The following RSF1 variants were observed in gnomAD, a reference collection of about 807,000 sequenced individuals.
The protein encoded by RSF1 is remodeling and spacing factor 1, also known as HBV pX-associated protein 8.
Under a neutral mutation model 145.2 loss-of-function variants are expected in RSF1, and 13 were observed. That is an observed-to-expected ratio of 0.09 (90% CI 0.06 to 0.14). The LOEUF is 0.14. Ranked by LOEUF, RSF1 falls within the 10% of genes least tolerant of loss-of-function variation. The pLI is 1.00. For missense variants in RSF1, 1,517 were observed against 1,718.2 expected (o/e 0.88, Z 2.07); for synonymous variants, 577 against 592.6 (o/e 0.97, Z 0.38).
chr11:77,843,116 C>T, the RSF1 span, among the ~76,000 whole-genome samples: 6 of 152,306 alleles, frequency 3.9e-5, no homozygotes, highest in South Asian at 1.2e-3. Context: ...GGCACCTGCA[C>T]CATTTTACAT....
At chr11:77,821,395 C>A (rs777681445), upstream of RSF1, among the ~76,000 whole-genome samples, 3 of 151,466 alleles carry the variant, frequency 2.0e-5, no homozygotes, top group Non-Finnish European at 4.4e-5. Context: ...TAATTAGGGG[C>A]TGGGCTGGGA....
At chr11:77,791,606 G>A (rs563119650) in intron 1 of RSF1, among the ~76,000 whole-genome samples, 21 of 152,126 alleles carry the variant, frequency 1.4e-4, no homozygotes, top group Non-Finnish European at 2.4e-4. Flanking sequence ...GTTACATCTC[G>A]AATGTTTTGC....
intron 1 of RSF1, among the ~76,000 whole-genome samples, chr11:77,766,429 C>T (rs750450494): frequency 2.0e-5 from 3 of 152,116 alleles, no homozygotes; most frequent in Non-Finnish European, 4.4e-5. Flanking sequence ...GGGTCAAATA[C>T]TAGTAAGAAA....
At chr11:77,716,795 T>C (rs1960820795) in intron 5 of RSF1, among the ~76,000 whole-genome samples, 1 of 152,240 alleles carries the variant, frequency 6.6e-6, no homozygotes, top group Non-Finnish European at 1.5e-5. Context: ...AGTCAATGCA[T>C]ATGGTAATTA....
chr11:77,821,048 C>T, upstream of RSF1: 2 of 324,238 alleles, frequency 6.2e-6, no homozygotes, highest in Non-Finnish European at 1.1e-5. Flanking sequence ...GGGCTGGAAG[C>T]GGGAGGGGCG....
intron 9 of RSF1, among the ~76,000 whole-genome samples, chr11:77,690,585 C>G (rs1960127428): frequency 6.6e-6 from 1 of 152,188 alleles, no homozygotes; most frequent in African/African-American, 2.4e-5. Flanking sequence ...GTGTGCGACA[C>G]CATGCCCAGC....
chr11:77,757,724 T>C (rs893654112), intron 2 of RSF1, among the ~76,000 whole-genome samples: 6 of 152,044 alleles, frequency 3.9e-5, no homozygotes, highest in African/African-American at 1.4e-4. Flanking sequence ...CTGCTGGCAC[T>C]GCAGGACAGA....
the RSF1 span, among the ~76,000 whole-genome samples, chr11:77,857,212 G>C: frequency 6.6e-6 from 1 of 152,140 alleles, no homozygotes; most frequent in African/African-American, 2.4e-5. Flanking sequence ...AACCAAGAGA[G>C]GTATAATGGT....
intron 5 of RSF1, among the ~76,000 whole-genome samples, chr11:77,721,931 G>A (rs1188008612): frequency 3.9e-5 from 6 of 152,130 alleles, no homozygotes; most frequent in Admixed American, 2.6e-4. Context: ...CCAGAACTTC[G>A]GAGGGCTGAG....
intron 11 of RSF1, among the ~76,000 whole-genome samples, chr11:77,678,667 C>T (rs1348163380): frequency 6.6e-6 from 1 of 152,022 alleles, no homozygotes; most frequent in Admixed American, 6.6e-5. Context: ...AGATTAGTGC[C>T]CATATAAAAG....
intron 6 of RSF1, among the ~76,000 whole-genome samples, chr11:77,699,346 TTTAAC>T (rs1415510152): frequency 1.3e-5 from 2 of 152,216 alleles, no homozygotes; most frequent in East Asian, 1.9e-4. Context: ...TTTATACTCT[TTTAAC>T]TTGTGTTTTA....
intron 2 of RSF1, 145 bp from the exon 3 acceptor site, chr11:77,747,273 T>G: frequency 1.9e-6 from 1 of 531,366 alleles, no homozygotes; most frequent in Non-Finnish European, 3.4e-6. Flanking sequence ...CACCCTAAAA[T>G]GCATACTACT....
At chr11:77,737,810 CT>C (rs1203884932) in intron 4 of RSF1, among the ~76,000 whole-genome samples, 1 of 152,088 alleles carries the variant, frequency 6.6e-6, no homozygotes, top group Non-Finnish European at 1.5e-5. Context: ...AAATTTCAGT[CT>C]TTGGAGTTAG....
intron 1 of RSF1, among the ~76,000 whole-genome samples, chr11:77,796,423 C>CA (rs1167850090): frequency 6.6e-6 from 1 of 152,136 alleles, no homozygotes; most frequent in Non-Finnish European, 1.5e-5. Flanking sequence ...ATGATTATCT[C>CA]AATAGATGCA....
chr11:77,696,698 T>C (rs1960286435), intron 7 of RSF1, among the ~76,000 whole-genome samples: 1 of 152,296 alleles, frequency 6.6e-6, no homozygotes, highest in East Asian at 1.9e-4. Flanking sequence ...TTTTTCTTGA[T>C]TTAGAAGGCA....
chr11:77,764,643 A>T lies in RSF1; in HGVS notation c.234T>A (p.Ile78=). ...VELHLKLMRK[I]GKSVTADRWE... ...ATCTGTCTGCAGTAACAGATTTGCC[A>T]ATTTTCCTCATCAGCTTCAAATGGA... Residue 78 remains isoleucine (I), a synonymous_variant, in exon 2 of 16, where the codon ATT becomes ATA. Transcript: ENST00000308488. 1 of 1,610,502 alleles carries T rather than the reference A, an allele frequency of 6.2e-7. No individual in the cohort carries two copies. The highest frequency in any genetic ancestry group is 8.5e-7 in the Non-Finnish European group (1 of 1,178,242).
the RSF1 span, chr11:77,869,221 G>T: frequency 5.2e-6 from 1 of 193,926 alleles, no homozygotes; most frequent in Non-Finnish European, 1.1e-5. Context: ...GAAGATGGTT[G>T]TTCCAGCCAA....
intron 3 of RSF1, among the ~76,000 whole-genome samples, chr11:77,741,439 G>A (rs1373158941): frequency 6.6e-6 from 1 of 152,064 alleles, no homozygotes; most frequent in Non-Finnish European, 1.5e-5. Flanking sequence ...GCTATTTAGG[G>A]GGCTGGGCTG....
intron 2 of RSF1, among the ~76,000 whole-genome samples, chr11:77,756,356 CT>C (rs926150601): frequency 2.3e-5 from 3 of 130,930 alleles, no homozygotes; most frequent in Non-Finnish European, 3.2e-5. Context: ...AAAACTCTGT[CT>C]CAAAAAAAAA....
Sources: allele counts gnomAD v4.1 joint callset (sites outside exome capture counted in the v4.1 genomes callset), GRCh38; gene constraint gnomAD v4.1.1; transcripts MANE v1.5; gene names NCBI Gene and HGNC (gene_info 2026-07-23, HGNC 2026-07-21).